Variants in CNTN4 observed in about 807,000 individuals in gnomAD.
The protein encoded by CNTN4 is contactin 4.
A neutral mutation model predicts 122.5 loss-of-function variants in CNTN4; 77 were observed. The ratio of observed to expected loss-of-function variants is 0.63; its 90% CI spans 0.52 to 0.76. The LOEUF (loss-of-function observed/expected upper bound fraction) is 0.76. Among genes scored for constraint, CNTN4 ranks in the 30% least tolerant of loss-of-function variants. The pLI is 0.00. For synonymous variants in CNTN4, 512 were observed against 447.0 expected (o/e 1.15, Z -1.83); for missense variants, 1,256 against 1,259.1 (o/e 1.00, Z 0.04).
chr3:2,680,738 TG>T (rs2085120530), intron 4 of CNTN4, among the ~76,000 whole-genome samples: 1 of 152,166 alleles, frequency 6.6e-6, no homozygotes, highest in South Asian at 2.1e-4. Flanking sequence ...GTGCTTGGAT[TG>T]CAGTGTATAT....
intron 3 of CNTN4, among the ~76,000 whole-genome samples, chr3:2,339,882 C>T (rs1424566524): frequency 2.0e-5 from 3 of 152,300 alleles, no homozygotes; most frequent in East Asian, 3.9e-4. Context: ...CATGCTCTCT[C>T]TTTGAAGGCT....
chr3:2,527,326 C>T (rs1382001127), intron 3 of CNTN4, among the ~76,000 whole-genome samples: 1 of 152,138 alleles, frequency 6.6e-6, no homozygotes, highest in East Asian at 1.9e-4. Context: ...CCTTTTTGCT[C>T]CCTGTTCTGT....
At chr3:2,512,400 T>A (rs1008651110) in intron 3 of CNTN4, among the ~76,000 whole-genome samples, 3 of 152,212 alleles carry the variant, frequency 2.0e-5, no homozygotes, top group African/African-American at 7.2e-5. Context: ...TTCATTTATC[T>A]TTTTATGTAT....
chr3:2,570,784 A>G (rs1559249870), intron 3 of CNTN4, among the ~76,000 whole-genome samples: 2 of 152,178 alleles, frequency 1.3e-5, no homozygotes, highest in Non-Finnish European at 2.9e-5. Context: ...TGGCTAACAG[A>G]AGTATTAGTG....
intron 7 of CNTN4, among the ~76,000 whole-genome samples, chr3:2,839,812 G>A (rs746561082): frequency 4.6e-5 from 7 of 152,140 alleles, no homozygotes; most frequent in Non-Finnish European, 4.4e-5. Flanking sequence ...CTTACAGACC[G>A]AGCACAGTGT....
Position 2,962,599 on chromosome 3 carries a change from G to C in CNTN4, c.1359-25746G>C, listed in dbSNP as rs144633210. Among the ~76,000 whole-genome samples the C allele has an allele frequency of 3.7e-3, 559 of 152,318 alleles. 3 individuals carry two copies. The highest frequency in any genetic ancestry group is 0.013 in the African/African-American group (537 of 41,570). ...TATATTTACAGGAATAGTTTGATCA[G>C]GGTGCCCCTGCTGAGTTCATCAGGT... is the stretch of plus-strand genomic sequence containing the variant. On this transcript the variant is annotated intron_variant, in intron 13 of 24. Coordinates refer to ENST00000418658, the MANE Select transcript of CNTN4 (RefSeq NM_175607.3).
At position 3,022,034 on chromosome 3, in the gene CNTN4, G is replaced by T. The variant is rs552278712; in HGVS notation, c.1487-4068G>T. Among the ~76,000 whole-genome samples the T allele has an allele frequency of 1.3e-3, 184 of 146,120 alleles. 1 individual carries two copies. The highest frequency in any genetic ancestry group is 4.5e-3 in the African/African-American group (176 of 39,318). On this transcript the variant is annotated intron_variant, in intron 14 of 24. Transcript: ENST00000418658. ...GAACTCAGGAGCTCGAGACCAGCCG[G>T]AGCAACATGGCAAAAACCCTGCCTC...
At chr3:2,556,080 A>G (rs1193429310) in intron 3 of CNTN4, among the ~76,000 whole-genome samples, 1 of 152,170 alleles carries the variant, frequency 6.6e-6, no homozygotes, top group Non-Finnish European at 1.5e-5. Flanking sequence ...CTGTCTTTCC[A>G]TTTGGGGGTT....
intron 4 of CNTN4, among the ~76,000 whole-genome samples, chr3:2,686,521 C>G (rs2085437784): frequency 6.6e-6 from 1 of 151,620 alleles, no homozygotes. Context: ...TCTCAATAAA[C>G]AGTTTTATTG....
At chr3:2,774,492 A>C (rs1211336467) in intron 6 of CNTN4, among the ~76,000 whole-genome samples, 1 of 152,066 alleles carries the variant, frequency 6.6e-6, no homozygotes, top group Admixed American at 6.6e-5. Flanking sequence ...TGAAGGAGGG[A>C]CCCATTTCCT....
intron 4 of CNTN4, among the ~76,000 whole-genome samples, chr3:2,622,994 T>G (rs1019222387): frequency 1.3e-5 from 2 of 152,212 alleles, no homozygotes; most frequent in African/African-American, 4.8e-5. Flanking sequence ...AAGTAGTTTT[T>G]CTGTAGCTAT....
At chr3:3,009,100 T>A in intron 14 of CNTN4, 1 of 902,230 alleles carries the variant, frequency 1.1e-6, no homozygotes, top group Non-Finnish European at 1.3e-6. Context: ...GGAAGTACCA[T>A]GCCTTGCCCT....
intron 3 of CNTN4, among the ~76,000 whole-genome samples, chr3:2,388,103 G>A (rs936021632): frequency 6.6e-6 from 1 of 152,138 alleles, no homozygotes; most frequent in African/African-American, 2.4e-5. Context: ...AAAAATTTAT[G>A]TTTTGGCAGC....
chr3:2,521,529 T>C (rs575063710), intron 3 of CNTN4, among the ~76,000 whole-genome samples: 1 of 152,198 alleles, frequency 6.6e-6, no homozygotes, highest in African/African-American at 2.4e-5. Context: ...GAAGGAAGCA[T>C]TTTGAGCTTT....
intron 3 of CNTN4, among the ~76,000 whole-genome samples, chr3:2,405,573 G>A (rs1487784858): frequency 2.0e-5 from 3 of 148,092 alleles, no homozygotes; most frequent in South Asian, 2.2e-4. Flanking sequence ...AGATATATGC[G>A]AACCCATACT....
chr3:2,455,488 A>G (rs527624165), intron 3 of CNTN4, among the ~76,000 whole-genome samples: 2 of 151,890 alleles, frequency 1.3e-5, no homozygotes, highest in South Asian at 4.2e-4. Context: ...TCTTTTTTTT[A>G]AGGGGAGACA....
intron 2 of CNTN4, among the ~76,000 whole-genome samples, chr3:2,306,694 T>G (rs1385215924): frequency 6.6e-6 from 1 of 152,178 alleles, no homozygotes; most frequent in Non-Finnish European, 1.5e-5. Flanking sequence ...ATAGAATCTG[T>G]AAATCAATTT....
At chr3:2,681,846 C>T (rs60468166) in intron 4 of CNTN4, among the ~76,000 whole-genome samples, 59,240 of 151,820 alleles carry the variant, frequency 0.39, 12,746 homozygotes, top group African/African-American at 0.57. Context: ...TAAAATACTG[C>T]TTAATTACTA....
intron 12 of CNTN4, among the ~76,000 whole-genome samples, chr3:2,905,290 G>T (rs2094217326): frequency 6.6e-6 from 1 of 152,210 alleles, no homozygotes; most frequent in South Asian, 2.1e-4. Context: ...TGCAAACATG[G>T]TGGCTTATAG....
Sources: gnomAD v4.1 joint callset for allele counts (sites outside exome capture counted in the v4.1 genomes callset) on GRCh38, gnomAD v4.1.1 for gene constraint, MANE v1.5 for transcripts, NCBI Gene and HGNC (gene_info 2026-07-23, HGNC 2026-07-21) for gene names.